The following PRKG1 variants were observed in gnomAD, a reference collection of about 807,000 sequenced individuals.
PRKG1 encodes the protein cGMP-dependent protein kinase 1.
PRKG1 carries 35 observed loss-of-function variants against 88.1 expected under a neutral mutation model. The observed-to-expected ratio is 0.40, with a 90% CI of 0.30 to 0.53. The LOEUF (loss-of-function observed/expected upper bound fraction) is 0.53, where lower values mean the gene tolerates loss of function less well. PRKG1 is among the 20% of genes least tolerant of loss of function. The probability of loss-of-function intolerance (pLI) is 0.59; values close to 1 mark genes in which losing one functional copy is unlikely to be tolerated. For synonymous variants in PRKG1, 303 were observed against 292.5 expected (o/e 1.04, Z -0.37); for missense variants, 540 against 839.8 (o/e 0.64, Z 4.41).
chr10:51,605,664 T>G (rs1049302445), intron 3 of PRKG1, among the ~76,000 whole-genome samples: 1 of 152,192 alleles, frequency 6.6e-6, no homozygotes, highest in Non-Finnish European at 1.5e-5. Context: ...GAAAGTAGAA[T>G]GACAATAGAG....
intron 2 of PRKG1, among the ~76,000 whole-genome samples, chr10:51,222,130 C>G (rs889950124): frequency 5.8e-5 from 8 of 138,426 alleles, no homozygotes; most frequent in African/African-American, 1.3e-4. Flanking sequence ...GCGCCCCCCC[C>G]CGACCCCAGC....
intron 4 of PRKG1, among the ~76,000 whole-genome samples, chr10:51,809,479 G>A (rs553393307): frequency 1.3e-5 from 2 of 152,280 alleles, no homozygotes; most frequent in East Asian, 3.9e-4. Context: ...TTTCTTCTGA[G>A]CATATTCTCT....
Position 51,249,626 on chromosome 10 carries a change from C to T in PRKG1, c.478+96296C>T, listed in dbSNP as rs74133551. On this transcript the variant is annotated intron_variant, in intron 2 of 17. Transcript: ENST00000373980. ...AATTCAACTTTCCCTAGAAAGGAGA[C>T]AGAACATAAATGAAAAAAATGACCA... Among the ~76,000 whole-genome samples the T allele has an allele frequency of 2.8e-3, 410 of 145,788 alleles. 3 individuals carry two copies. Among genetic ancestry groups the T allele is most frequent in the African/African-American group, 9.7e-3 (350 of 36,048 alleles).
intron 1 of PRKG1, among the ~76,000 whole-genome samples, chr10:51,079,679 TTGTGTG>T (rs56746938): frequency 1.9e-4 from 28 of 150,248 alleles, no homozygotes; most frequent in African/African-American, 6.1e-4. Context: ...TAAGGCTCAT[TTGTGTG>T]TGTGTGTGTG....
chr10:51,394,362 G>T (rs536876189), intron 2 of PRKG1, among the ~76,000 whole-genome samples: 6 of 152,198 alleles, frequency 3.9e-5, no homozygotes, highest in African/African-American at 1.2e-4. Context: ...TTTGCACAGC[G>T]TGGCAACTGG....
chr10:52,028,929 A>G (rs1845409138), intron 5 of PRKG1, among the ~76,000 whole-genome samples: 1 of 152,182 alleles, frequency 6.6e-6, no homozygotes, highest in Non-Finnish European at 1.5e-5. Context: ...GTGAAATTCC[A>G]GGTTTAAAAA....
At chr10:51,057,607 T>C (rs1161687726) in intron 1 of PRKG1, among the ~76,000 whole-genome samples, 1 of 152,166 alleles carries the variant, frequency 6.6e-6, no homozygotes, top group Non-Finnish European at 1.5e-5. Context: ...TCTTCACCAT[T>C]AATTTTTTGC....
At chr10:51,336,779 C>G (rs900789570) in intron 2 of PRKG1, among the ~76,000 whole-genome samples, 6 of 152,016 alleles carry the variant, frequency 3.9e-5, no homozygotes, top group African/African-American at 1.4e-4. Context: ...CAGGATTTGG[C>G]CAAAACAAAT....
At chr10:52,214,199 C>T (rs547712524) in intron 9 of PRKG1, among the ~76,000 whole-genome samples, 1 of 152,066 alleles carries the variant, frequency 6.6e-6, no homozygotes, top group South Asian at 2.1e-4. Context: ...ATCCAACTTG[C>T]TGACACCCAA....
intron 2 of PRKG1, among the ~76,000 whole-genome samples, chr10:51,304,583 T>TTAAC (rs1190975137): frequency 1.3e-5 from 2 of 150,468 alleles, no homozygotes; most frequent in Admixed American, 6.6e-5. Flanking sequence ...GCTGTACCCA[T>TTAAC]TAACTCATCA....
intron 2 of PRKG1, among the ~76,000 whole-genome samples, chr10:51,267,606 A>G (rs189747852): frequency 7.9e-4 from 121 of 152,324 alleles, no homozygotes; most frequent in African/African-American, 2.9e-3. Context: ...ACAGCAAGCC[A>G]CATGTAGAAG....
chr10:52,212,209 G>A (rs1253325498), intron 9 of PRKG1, among the ~76,000 whole-genome samples: 2 of 152,164 alleles, frequency 1.3e-5, no homozygotes, highest in African/African-American at 2.4e-5. Context: ...GAAACAGCTG[G>A]ATTGGTTACA....
At chr10:51,384,774 A>C (rs1301676573) in intron 2 of PRKG1, among the ~76,000 whole-genome samples, 1 of 152,112 alleles carries the variant, frequency 6.6e-6, no homozygotes, top group East Asian at 1.9e-4. Context: ...TTTGAGGGCA[A>C]TGGTCATAAC....
At chr10:51,842,426 G>A (rs1320173908) in intron 4 of PRKG1, among the ~76,000 whole-genome samples, 2 of 152,150 alleles carry the variant, frequency 1.3e-5, no homozygotes, top group African/African-American at 2.4e-5. Context: ...TACACTACAC[G>A]ATGACTGAAT....
chr10:52,153,107 CT>C (rs773506484), intron 8 of PRKG1, among the ~76,000 whole-genome samples: 3 of 152,100 alleles, frequency 2.0e-5, no homozygotes, highest in Non-Finnish European at 2.9e-5. Flanking sequence ...TAGGACAGTG[CT>C]TTTCCAAGGA....
chr10:51,464,284 A>G (rs1211968302), intron 2 of PRKG1, among the ~76,000 whole-genome samples: 16 of 146,148 alleles, frequency 1.1e-4, no homozygotes, highest in Admixed American at 1.1e-3. Context: ...ACTCCATCTC[A>G]AAAAAAAAAG....
chr10:51,699,955 G>T (rs1213507359), intron 3 of PRKG1, among the ~76,000 whole-genome samples: 1 of 152,248 alleles, frequency 6.6e-6, no homozygotes, highest in Non-Finnish European at 1.5e-5. Context: ...TTCCGCTGGC[G>T]GGAAACCGCC....
At chr10:52,243,367 TG>T (rs1840917380) in intron 9 of PRKG1, among the ~76,000 whole-genome samples, 1 of 152,202 alleles carries the variant, frequency 6.6e-6, no homozygotes. Context: ...GAAGTCAGAA[TG>T]GCAGTCTTCT....
At chr10:52,230,274 G>T (rs1276677659) in intron 9 of PRKG1, among the ~76,000 whole-genome samples, 1 of 152,184 alleles carries the variant, frequency 6.6e-6, no homozygotes, top group African/African-American at 2.4e-5. Flanking sequence ...GGTGAGGGAA[G>T]TGGAAACTTA....
Sources: gnomAD v4.1 joint callset for allele counts (sites outside exome capture counted in the v4.1 genomes callset) on GRCh38, gnomAD v4.1.1 for gene constraint, MANE v1.5 for transcripts, NCBI Gene and HGNC (gene_info 2026-07-23, HGNC 2026-07-21) for gene names.